The following ZPBP variants were observed in gnomAD, a reference collection of about 807,000 sequenced individuals.
ZPBP encodes the protein zona pellucida binding protein.
In ZPBP, 26 loss-of-function variants were observed where a neutral mutation model predicts 44.8. The ratio of observed to expected loss-of-function variants is 0.58; its 90% CI spans 0.43 to 0.81. The LOEUF (loss-of-function observed/expected upper bound fraction) is 0.81, where lower values mean the gene tolerates loss of function less well. Among genes scored for constraint, ZPBP ranks in the 30% least tolerant of loss-of-function variants. The probability of loss-of-function intolerance (pLI) is 0.00; values close to 1 mark genes in which losing one functional copy is unlikely to be tolerated. For missense variants in ZPBP, 409 were observed against 434.0 expected (o/e 0.94, Z 0.51); for synonymous variants, 174 against 153.2 (o/e 1.14, Z -1.00).
chr7:49,867,844 TA>T (rs142765678), intron 2 of ZPBP, among the ~76,000 whole-genome samples: 28,492 of 148,862 alleles, frequency 0.19, 3,816 homozygotes, highest in East Asian at 0.64. Flanking sequence ...TATTTTATTT[TA>T]TTTTTTGAGG....
chr7:49,985,657 A>C (rs201450267), intron 6 of ZPBP, among the ~76,000 whole-genome samples: 186 of 103,124 alleles, frequency 1.8e-3, no homozygotes, highest in South Asian at 4.5e-3. Flanking sequence ...AAAAAAAAAA[A>C]AAACCTAAAT....
chr7:49,871,040 A>G (rs532925995), intron 2 of ZPBP, among the ~76,000 whole-genome samples: 4 of 152,230 alleles, frequency 2.6e-5, no homozygotes, highest in Non-Finnish European at 4.4e-5. Flanking sequence ...ATTCCACAGA[A>G]CCAATAAATT....
At chr7:49,848,860 A>T (rs1285368411), downstream of ZPBP, among the ~76,000 whole-genome samples, 1 of 152,238 alleles carries the variant, frequency 6.6e-6, no homozygotes, top group East Asian at 1.9e-4. Flanking sequence ...ATTGTGTCTA[A>T]TTCAGTAGAC....
At chr7:49,963,307 T>G (rs892195139) in intron 7 of ZPBP, among the ~76,000 whole-genome samples, 1 of 151,814 alleles carries the variant, frequency 6.6e-6, no homozygotes, top group Non-Finnish European at 1.5e-5. Context: ...TCACAAAATT[T>G]CTGTGCAAAA....
chr7:50,074,920 T>C (rs1802009219), intron 3 of ZPBP, among the ~76,000 whole-genome samples: 1 of 151,798 alleles, frequency 6.6e-6, no homozygotes, highest in African/African-American at 2.4e-5. Flanking sequence ...ACCAAATGCA[T>C]CTAGTAGACA....
intron 1 of ZPBP, among the ~76,000 whole-genome samples, chr7:49,901,838 T>G (rs1321112201): frequency 7.0e-6 from 1 of 142,372 alleles, no homozygotes; most frequent in Admixed American, 7.7e-5. Context: ...TGGAACAGAA[T>G]AGAGAGCCCA....
chr7:49,912,228 T>TACTGATGTG, intron 1 of ZPBP: 1 of 1,609,272 alleles, frequency 6.2e-7, no homozygotes, highest in Non-Finnish European at 8.5e-7. Context: ...TAGAACATTT[T>TACTGATGTG]ACTGATGTGA....
At chr7:50,039,771 A>G (rs6976565) in intron 4 of ZPBP, among the ~76,000 whole-genome samples, 37,382 of 152,120 alleles carry the variant, frequency 0.25, 5,685 homozygotes, top group Non-Finnish European at 0.35. Context: ...TTTGAAAGAT[A>G]CAAAATTACG....
At chr7:49,941,460 A>G (rs1383797748) in intron 7 of ZPBP, among the ~76,000 whole-genome samples, 2 of 152,200 alleles carry the variant, frequency 1.3e-5, no homozygotes, top group Non-Finnish European at 2.9e-5. Flanking sequence ...AGTAGGATAC[A>G]AAATTGATAC....
intron 3 of ZPBP, among the ~76,000 whole-genome samples, chr7:50,068,378 A>C (rs1302404858): frequency 2.0e-5 from 3 of 151,476 alleles, no homozygotes; most frequent in Non-Finnish European, 4.4e-5. Flanking sequence ...TGTCTTTCAC[A>C]GCAGGTGCAG....
In ZPBP at chr7:50,031,947, T is replaced by C. The variant is rs78790117; in HGVS notation, c.488-637A>G. Among the ~76,000 whole-genome samples, 687 of 152,234 alleles carry C rather than the reference T, an allele frequency of 4.5e-3. 3 individuals are homozygous for C. Among genetic ancestry groups the C allele is most frequent in the African/African-American group, 0.016 (667 of 41,544 alleles). On this transcript the variant is annotated intron_variant, in intron 4 of 7. Coordinates refer to ENST00000046087, the MANE Select transcript of ZPBP (RefSeq NM_007009.3). ...CAATACCAAAAGTCAGAAAAGTTCA[T>C]CTTCCAAAACAGGGCGCTCTGTTGC...
At chr7:49,978,859 C>A (rs1053819771) in intron 7 of ZPBP, among the ~76,000 whole-genome samples, 3 of 151,700 alleles carry the variant, frequency 2.0e-5, no homozygotes, top group Admixed American at 2.0e-4. Flanking sequence ...AGGGTGATAA[C>A]CTCCTGTAAA....
At chr7:49,993,171 TA>T (rs1301532589) in intron 6 of ZPBP, among the ~76,000 whole-genome samples, 7 of 151,902 alleles carry the variant, frequency 4.6e-5, no homozygotes, top group Non-Finnish European at 2.9e-5. Context: ...TTTAATCAAT[TA>T]AAAGAGGAAA....
At chr7:49,976,663 C>T (rs980173141) in intron 7 of ZPBP, among the ~76,000 whole-genome samples, 1 of 152,122 alleles carries the variant, frequency 6.6e-6, no homozygotes, top group Non-Finnish European at 1.5e-5. Flanking sequence ...CTGCTATAAG[C>T]TACTTCATCA....
At chr7:49,964,637 C>T (rs1795989996) in intron 7 of ZPBP, among the ~76,000 whole-genome samples, 1 of 152,032 alleles carries the variant, frequency 6.6e-6, no homozygotes, top group Non-Finnish European at 1.5e-5. Context: ...ACATTCTTTC[C>T]AAATAATCCT....
chr7:49,993,441 A>G (rs1300416463), intron 6 of ZPBP, among the ~76,000 whole-genome samples: 10 of 152,194 alleles, frequency 6.6e-5, no homozygotes, highest in Admixed American at 6.5e-4. Flanking sequence ...AATTAAACAC[A>G]ATTGATTGAA....
rs150111176 is a variant in ZPBP, at chr7:50,069,594, T to C, written c.335-11453A>G. Among the ~76,000 whole-genome samples the C allele has an allele frequency of 2.7e-3, 411 of 152,326 alleles. 2 individuals are homozygous for C. Among genetic ancestry groups the C allele is most frequent in the African/African-American group, 9.2e-3 (381 of 41,574 alleles). ...CTAACACAAAGAGGGCTACTCTAAT[T>C]CACAGTATGTCCTCAACTTTTGAAC... On this transcript the variant is annotated intron_variant, in intron 3 of 7. Coordinates refer to ENST00000046087, the MANE Select transcript of ZPBP (RefSeq NM_007009.3).
intron 4 of ZPBP, among the ~76,000 whole-genome samples, chr7:50,055,574 C>A (rs1408878212): frequency 6.6e-6 from 1 of 152,104 alleles, no homozygotes; most frequent in Non-Finnish European, 1.5e-5. Context: ...GTCACTTAAC[C>A]ACTCTGTTTC....
At chr7:49,993,039 G>T (rs1797635911) in intron 6 of ZPBP, among the ~76,000 whole-genome samples, 1 of 151,976 alleles carries the variant, frequency 6.6e-6, no homozygotes, top group Admixed American at 6.6e-5. Flanking sequence ...TATATTTCAG[G>T]AGTGTAAAAT....
Sources: gnomAD v4.1 joint callset for allele counts (sites outside exome capture counted in the v4.1 genomes callset) on GRCh38, gnomAD v4.1.1 for gene constraint, MANE v1.5 for transcripts, NCBI Gene and HGNC (gene_info 2026-07-23, HGNC 2026-07-21) for gene names.